The following TM9SF2 variants were observed in gnomAD, a reference collection of about 807,000 sequenced individuals.
TM9SF2 encodes transmembrane 9 superfamily member 2.
Under a neutral mutation model 84.9 loss-of-function variants are expected in TM9SF2, and 13 were observed. That is an observed-to-expected ratio of 0.15 (90% CI 0.10 to 0.24). The LOEUF (loss-of-function observed/expected upper bound fraction) is 0.24. TM9SF2 is among the 10% of genes least tolerant of loss of function. The probability of loss-of-function intolerance (pLI) is 1.00; values close to 1 mark genes in which losing one functional copy is unlikely to be tolerated. For missense variants in TM9SF2, 562 were observed against 818.5 expected (o/e 0.69, Z 3.82); for synonymous variants, 273 against 285.8 (o/e 0.96, Z 0.45).
intron 7 of TM9SF2, 113 bp downstream of exon 7, chr13:99,539,670 G>T: frequency 1.4e-6 from 1 of 721,494 alleles, no homozygotes. Context: ...CTATTAATGA[G>T]CTGATTTTTA....
chr13:99,511,078 ATCTT>A (rs2046111727), intron 1 of TM9SF2, among the ~76,000 whole-genome samples: 1 of 151,954 alleles, frequency 6.6e-6, no homozygotes. Flanking sequence ...TACTTTTTAA[ATCTT>A]TCTTATTGTT....
At chr13:99,541,879 G>A (rs1191789155) in intron 9 of TM9SF2, 2 of 362,802 alleles carry the variant, frequency 5.5e-6, no homozygotes, top group African/African-American at 4.4e-5. Flanking sequence ...GCTGGGCGCG[G>A]TGGCTCACAC....
Position 99,520,110 on chromosome 13 carries a change from T to C in TM9SF2, c.314T>C (p.Ile105Thr). 6.2e-7 allele frequency: 1 copy of C among 1,613,666 alleles called. No individual in the cohort carries two copies. The highest frequency in any genetic ancestry group is 8.5e-7 in the Non-Finnish European group (1 of 1,179,770). The change falls in exon 3 of 17, where the codon ATT becomes ACT. Residue 105 changes from isoleucine to threonine, a missense_variant. By Grantham distance (89) the Ile-to-Thr change is moderately conservative. Coordinates refer to ENST00000376387, the MANE Select transcript of TM9SF2 (RefSeq NM_004800.3). ...NLGQVLFGER[I>T]EPSPYKFTFN... ...GGTCAGGTACTATTCGGGGAAAGAA[T>C]TGAACCTTCACCATATAAGGTTTGT...
At chr13:99,519,362 A>T (rs2139078836) in intron 2 of TM9SF2, among the ~76,000 whole-genome samples, 1 of 151,534 alleles carries the variant, frequency 6.6e-6, no homozygotes, top group South Asian at 2.1e-4. Context: ...TGTTACTATT[A>T]CTGTACTGAT....
intron 10 of TM9SF2, among the ~76,000 whole-genome samples, chr13:99,544,592 T>G (rs2046275298): frequency 6.6e-6 from 1 of 152,104 alleles, no homozygotes; most frequent in African/African-American, 2.4e-5. Flanking sequence ...CTGGGACCAT[T>G]TAGGGTCTCT....
At chr13:99,519,429 G>T (rs1400319555) in intron 2 of TM9SF2, 1 of 152,168 alleles carries the variant, frequency 6.6e-6, no homozygotes, top group Non-Finnish European at 1.5e-5. Flanking sequence ...TTAATTTTCT[G>T]TGGCAAAGCT....
In TM9SF2 at chr13:99,543,905, G is replaced by T. The variant is rs368639763; in HGVS notation, c.1060G>T (p.Asp354Tyr). The change falls in exon 10 of 17, where the codon GAT (aspartate) becomes TAT (tyrosine). Residue 354 changes from aspartate (D) to tyrosine (Y), a missense_variant. Transcript: ENST00000376387. ...EEFGWKLVHG[D>Y]IFRPPRKGML... ...ATTTGGCTGGAAACTTGTTCATGGT[G>T]ATATATTCCGTCCTCCAAGAAAAGG... is the stretch of plus-strand genomic sequence containing the variant. 1 of 1,614,052 alleles carries T rather than the reference G, an allele frequency of 6.2e-7. No homozygotes were observed. The highest frequency in any genetic ancestry group is 8.5e-7 in the Non-Finnish European group (1 of 1,180,030).
chr13:99,530,249 C>A (rs142004323), intron 4 of TM9SF2, among the ~76,000 whole-genome samples: 260 of 152,238 alleles, frequency 1.7e-3, no homozygotes, highest in African/African-American at 5.8e-3. Context: ...ACGATGAAAC[C>A]CCATCTCTAC....
chr13:99,503,394 T>A (rs564114211), intron 1 of TM9SF2, among the ~76,000 whole-genome samples: 1 of 152,134 alleles, frequency 6.6e-6, no homozygotes, highest in South Asian at 2.1e-4. Context: ...TGGACTAGAG[T>A]CTTTAGGGAA....
intron 3 of TM9SF2, among the ~76,000 whole-genome samples, chr13:99,528,098 T>A (rs2046191955): frequency 6.6e-6 from 1 of 152,248 alleles, no homozygotes; most frequent in Non-Finnish European, 1.5e-5. Flanking sequence ...TAAGGAGGAT[T>A]TGTTTCCCTT....
At chr13:99,553,703 TCCC>T (rs997296530) in intron 13 of TM9SF2, among the ~76,000 whole-genome samples, 5 of 152,198 alleles carry the variant, frequency 3.3e-5, no homozygotes, top group Non-Finnish European at 7.3e-5. Flanking sequence ...TGTACTGTCT[TCCC>T]CCCTCATGTG....
Position 99,559,462 on chromosome 13 carries a change from A to G in TM9SF2, c.1852A>G (p.Thr618Ala). ...CTACTTCTTTTCAAAACTGCAGATC[A>G]CGGGAACAGCAAGCACAATTCTGTA... ...VHYFFSKLQI[T>A]GTASTILYFG... The change falls in exon 16 of 17, where the codon ACG (threonine) becomes GCG (alanine). Residue 618 changes from threonine to alanine, a missense_variant. Physicochemically the swap from Thr to Ala is moderately conservative, Grantham distance 58. Around this residue, in one of 4 missense-constraint regions of TM9SF2, gnomAD observed 63 missense variants for 109.2 expected, o/e 0.58. Coordinates refer to ENST00000376387, the MANE Select transcript of TM9SF2 (RefSeq NM_004800.3). 6.2e-7 allele frequency: 1 copy of G among 1,614,092 alleles called. No individual in the cohort carries two copies. Among genetic ancestry groups the G allele is most frequent in the Non-Finnish European group, 8.5e-7 (1 of 1,179,984 alleles).
intron 3 of TM9SF2, among the ~76,000 whole-genome samples, chr13:99,520,914 T>C (rs1477381150): frequency 6.6e-6 from 1 of 152,224 alleles, no homozygotes; most frequent in Non-Finnish European, 1.5e-5. Flanking sequence ...TGGTACATTT[T>C]TCGAACACCA....
rs562772606 is a variant in TM9SF2, at chr13:99,505,045, T to C, written c.171+3268T>C. ...GTTCTGTTTAGTATTGCCAGATTTCTTTCAACAATGATAGGTTTGATTTCC... is the reference window on the plus strand; with the variant it reads ...GTTCTGTTTAGTATTGCCAGATTTCCTTCAACAATGATAGGTTTGATTTCC... On this transcript the variant is annotated intron_variant, in intron 1 of 16. Transcript: ENST00000376387. Among the ~76,000 whole-genome samples, 37 of 152,378 alleles carry C rather than the reference T, an allele frequency of 2.4e-4. No individual in the cohort carries two copies. In the South Asian group the frequency reaches 6.6e-3, roughly 27 times the overall value.
intron 3 of TM9SF2, among the ~76,000 whole-genome samples, chr13:99,523,846 T>C (rs2046170643): frequency 6.6e-6 from 1 of 151,930 alleles, no homozygotes; most frequent in Admixed American, 6.6e-5. Context: ...TCTGTGAAGG[T>C]GTGTGGGGAA....
chr13:99,528,520 A>T (rs2046194093), intron 3 of TM9SF2, among the ~76,000 whole-genome samples: 1 of 152,190 alleles, frequency 6.6e-6, no homozygotes, highest in African/African-American at 2.4e-5. Context: ...CACTGGATTG[A>T]GGTGTCAGAT....
intron 2 of TM9SF2, among the ~76,000 whole-genome samples, chr13:99,519,833 A>G (rs920962546): frequency 6.6e-6 from 1 of 152,184 alleles, no homozygotes; most frequent in African/African-American, 2.4e-5. Flanking sequence ...TTTAGAAAAA[A>G]ATATTCGAAG....
chr13:99,514,280 C>T (rs1288852410), intron 1 of TM9SF2: 1 of 152,272 alleles, frequency 6.6e-6, no homozygotes, highest in Non-Finnish European at 1.5e-5. Context: ...CGCTCACTCA[C>T]CCAGAGCAGC....
chr13:99,520,033 C>T lies in TM9SF2; in HGVS notation c.240-3C>T, dbSNP rs778563838. The T allele has an allele frequency of 1.9e-6, 3 of 1,611,570 alleles. No homozygotes were observed. In the South Asian group the frequency reaches 3.3e-5, roughly 18 times the overall value. On this transcript the variant is annotated splice_polypyrimidine_tract_variant and splice_region_variant and intron_variant, in intron 2 of 16. Transcript: ENST00000376387. ...TGTAAAAATTTAAATATTCTTCTCCCAGGTTTGATTTTTGCCAAGCATCAG... is the reference window on the plus strand; with the variant it reads ...TGTAAAAATTTAAATATTCTTCTCCTAGGTTTGATTTTTGCCAAGCATCAG...
Sources: allele counts gnomAD v4.1 joint callset (sites outside exome capture counted in the v4.1 genomes callset), GRCh38; gene constraint gnomAD v4.1.1; regional missense constraint gnomAD v4.1.1; transcripts MANE v1.5; gene names NCBI Gene and HGNC (gene_info 2026-07-23, HGNC 2026-07-21).